NQO1: variants seen among roughly 807,000 people sequenced by gnomAD.
NQO1 encodes the protein NAD(P)H dehydrogenase [quinone] 1.
NQO1 carries 30 observed loss-of-function variants against 32.1 expected under a neutral mutation model. That is an observed-to-expected ratio of 0.94 (90% confidence interval 0.70 to 1.27). NQO1 has a LOEUF of 1.27. NQO1 is among the 50% of genes most tolerant of loss of function. The pLI, the probability that NQO1 is intolerant of heterozygous loss-of-function variation, is 0.00. For missense variants in NQO1, 276 were observed against 331.3 expected (o/e 0.83, Z 1.30); for synonymous variants, 109 against 119.7 (o/e 0.91, Z 0.59).
intron 1 of NQO1, among the ~76,000 whole-genome samples, chr16:69,723,686 C>T (rs2038223415): frequency 1.3e-5 from 2 of 151,816 alleles, no homozygotes; most frequent in South Asian, 4.2e-4. Context: ...CCTGTAATCC[C>T]AGCTAATCGG....
Position 69,713,177 on chromosome 16 carries a change from T to C in NQO1, c.418-48A>G, listed in dbSNP as rs774453148. The C allele has an allele frequency of 1.1e-4, 146 of 1,382,956 alleles. No homozygotes were observed. The highest frequency in any genetic ancestry group is 5.3e-4 in the Middle Eastern group (3 of 5,608). 85.7% of individuals were successfully genotyped at this position (1,382,956 alleles called of 1,614,324 possible). ...AAACTTCACTTCCCTCCACATCCCC[T>C]TGGTGACAAGAAGTTAATGAAACAG... On this transcript the variant is annotated intron_variant, in intron 4 of 5. Transcript: ENST00000320623.
In NQO1 at chr16:69,718,398, A is replaced by G; in HGVS notation, c.144T>C (p.Asn48=). ...VESDLYAMNF[N]PIISRKDITG... is the part of the protein sequence containing the mutation. ...TGATGTCCTTTCTGGAAATGATGGG[A>G]TTGAAGTTCATGGCATAGAGGTCCG... The change falls in exon 2 of 6, where the codon AAT becomes AAC. Residue 48 remains asparagine (N), a synonymous_variant. Transcript: ENST00000320623. 9 of 1,614,166 alleles carry G rather than the reference A, an allele frequency of 5.6e-6. No homozygotes were observed. The highest frequency in any genetic ancestry group is 7.6e-6 in the Non-Finnish European group (9 of 1,180,046).
Position 69,713,119 on chromosome 16 carries a change from G to A in NQO1, c.428C>T (p.Ala143Val). Reference sequence around the variant, plus strand: ...GCCACCAGTGGTGATGGAAAGCACTGCCTTCTTACTCTGCAAAAGAAAAAG... The same window carrying A: ...GCCACCAGTGGTGATGGAAAGCACTACCTTCTTACTCTGCAAAAGAAAAAG... ...YDKGPFRSKK[A>V]VLSITTGGSG... The change falls in exon 5 of 6, where the codon GCA (alanine) becomes GTA (valine). Residue 143 changes from alanine (A) to valine (V), a missense_variant. Ala to Val is a moderately conservative substitution (Grantham distance 64). Coordinates refer to ENST00000320623, the MANE Select transcript of NQO1 (RefSeq NM_000903.3). The A allele has an allele frequency of 6.2e-7, 1 of 1,613,574 alleles. No homozygotes were observed.
chr16:69,709,912 G>C lies in NQO1; in HGVS notation c.*1064C>G, dbSNP rs181035346. 5.0e-6 allele frequency: 2 copies of C among 398,260 alleles called. No homozygotes were observed. Among genetic ancestry groups the C allele is most frequent in the Non-Finnish European group, 8.9e-6 (2 of 225,906 alleles). The allele number at this position is 398,260 out of a possible 1,614,324, so 24.7% of individuals were successfully genotyped here. On this transcript the variant is annotated 3_prime_UTR_variant, in exon 6 of 6. Coordinates refer to ENST00000320623, the MANE Select transcript of NQO1 (RefSeq NM_000903.3). ...AAATAACCTTCTGAAAATTTGTATA[G>C]ATCAGAAATAAAGTATTTTTTGTGG...
chr16:69,713,938 C>G (rs147094750), intron 4 of NQO1, among the ~76,000 whole-genome samples: 14,648 of 114,010 alleles, frequency 0.13, 2,492 homozygotes, highest in East Asian at 0.34. Flanking sequence ...TGCAGTGGTG[C>G]GATCTCGGCT....
chr16:69,717,097 G>C (rs1356654179), intron 3 of NQO1, among the ~76,000 whole-genome samples: 1 of 149,952 alleles, frequency 6.7e-6, no homozygotes. Context: ...AAAAAAGAGA[G>C]AGAGAGAGAA....
At chr16:69,726,408 G>A (rs768048534) in intron 1 of NQO1, 25 bp downstream of exon 1, 5 of 1,611,124 alleles carry the variant, frequency 3.1e-6, no homozygotes, top group Non-Finnish European at 2.5e-6. Flanking sequence ...CGACCGCCAA[G>A]CACCCCGCCC....
intron 5 of NQO1, 62 bp downstream of exon 5, chr16:69,712,966 C>T: frequency 7.3e-7 from 1 of 1,373,420 alleles, no homozygotes; most frequent in Non-Finnish European, 1.0e-6. Flanking sequence ...GCACTCCAGC[C>T]TAGATGACAG....
chr16:69,711,035 C>G lies in NQO1; in HGVS notation c.766G>C (p.Val256Leu), dbSNP rs1273457280. 1 of 1,614,208 alleles carries G rather than the reference C, an allele frequency of 6.2e-7. No individual in the cohort carries two copies. Among genetic ancestry groups the G allele is most frequent in the Non-Finnish European group, 8.5e-7 (1 of 1,180,044 alleles). ...EEKNKKFGLS[V>L]GHHLGKSIPT... ...ATGGACTTGCCCAAGTGATGGCCCA[C>G]AGAAAGGCCAAATTTCTTGTTTTTC... The change falls in exon 6 of 6, where the codon GTG (valine) becomes CTG (leucine). Residue 256 changes from valine to leucine, a missense_variant. Coordinates refer to ENST00000320623, the MANE Select transcript of NQO1 (RefSeq NM_000903.3).
intron 1 of NQO1, among the ~76,000 whole-genome samples, chr16:69,725,781 G>C (rs1161566198): frequency 6.6e-6 from 1 of 152,252 alleles, no homozygotes; most frequent in Non-Finnish European, 1.5e-5. Flanking sequence ...GGCTGAGATG[G>C]GAGAATCGCT....
intron 3 of NQO1, among the ~76,000 whole-genome samples, chr16:69,715,634 GGC>G (rs2038103100): frequency 6.6e-6 from 1 of 152,072 alleles, no homozygotes; most frequent in Admixed American, 6.6e-5. Flanking sequence ...CGGGCGTGGT[GGC>G]GCACGCCTGT....
At chr16:69,717,445 C>T (rs76921462) in intron 3 of NQO1, among the ~76,000 whole-genome samples, 4,582 of 152,168 alleles carry the variant, frequency 0.03, 130 homozygotes, top group East Asian at 0.13. Flanking sequence ...AGGAGGAGAA[C>T]TGCAAATTTT....
intron 1 of NQO1, among the ~76,000 whole-genome samples, chr16:69,721,520 T>C (rs1364264720): frequency 2.6e-5 from 4 of 152,126 alleles, no homozygotes; most frequent in Non-Finnish European, 5.9e-5. Flanking sequence ...TCAATTTCTC[T>C]TTTTTATTAA....
chr16:69,715,148 G>A lies in NQO1; in HGVS notation c.304-71C>T, dbSNP rs546109033. ...AGCCCAGAAGGTGGCTCGGAGTGCT[G>A]AGCCGCTCCCCATGATGGCACTGTG... is the stretch of plus-strand genomic sequence containing the variant. On this transcript the variant is annotated intron_variant, in intron 3 of 5. Transcript: ENST00000320623. 7.0e-5 allele frequency: 77 copies of A among 1,093,738 alleles called. No homozygotes were observed. In the East Asian group the frequency reaches 1.8e-3, roughly 25 times the overall value. 67.8% of individuals were successfully genotyped at this position (1,093,738 alleles called of 1,614,324 possible).
intron 3 of NQO1, among the ~76,000 whole-genome samples, chr16:69,717,553 A>G (rs1401666798): frequency 6.6e-6 from 1 of 152,020 alleles, no homozygotes; most frequent in Non-Finnish European, 1.5e-5. Context: ...AAGTACCTGG[A>G]AGAAAGCAAG....
intron 1 of NQO1, among the ~76,000 whole-genome samples, chr16:69,724,325 CAACA>C (rs1353554120): frequency 1.3e-5 from 2 of 149,798 alleles, no homozygotes; most frequent in Non-Finnish European, 3.0e-5. Flanking sequence ...TCAAAAAGTT[CAACA>C]GAGGAAAACT....
At chr16:69,717,706 G>A (rs778131431) in intron 3 of NQO1, among the ~76,000 whole-genome samples, 8 of 151,464 alleles carry the variant, frequency 5.3e-5, no homozygotes, top group Non-Finnish European at 7.4e-5. Context: ...TCCACCTCCC[G>A]GGTTCAAGTG....
Position 69,725,690 on chromosome 16 carries a change from C to T in NQO1, c.7+743G>A, listed in dbSNP as rs548779987. On this transcript the variant is annotated intron_variant, in intron 1 of 5. Transcript: ENST00000320623. The stretch of plus-strand genomic sequence containing the variant: ...AGGAGTTCAAGACCGCGCTGGCCAA[C>T]TTGGCGAAACCCGTCTGTACTAAAA... 2.8e-4 allele frequency among the ~76,000 whole-genome samples: 43 copies of T among 152,264 alleles called. No homozygotes were observed. In the South Asian group the frequency reaches 8.5e-3, roughly 30 times the overall value.
At position 69,718,216 on chromosome 16, in the gene NQO1, G is replaced by A. The variant is rs113785544; in HGVS notation, c.210C>T (p.Ala70=). ...CTTCTTTATAAGCCAGAACAGACTC[G>A]GCAGGATACTGAAAGTTCGCAGGGT... The part of the protein sequence containing the change: ...LKDPANFQYP[A]ESVLAYKEGH... Residue 70 remains alanine (A), a synonymous_variant, in exon 3 of 6, where the codon GCC becomes GCT. Coordinates refer to ENST00000320623, the MANE Select transcript of NQO1 (RefSeq NM_000903.3). 5.0e-6 allele frequency: 8 copies of A among 1,614,048 alleles called. No homozygotes were observed. Among genetic ancestry groups the A allele is most frequent in the South Asian group, 3.3e-5 (3 of 91,074 alleles).
Sources: gnomAD v4.1 joint callset for allele counts (sites outside exome capture counted in the v4.1 genomes callset) on GRCh38, gnomAD v4.1.1 for gene constraint, MANE v1.5 for transcripts, NCBI Gene and HGNC (gene_info 2026-07-23, HGNC 2026-07-21) for gene names.